Variants in MAPKAP1 observed in about 807,000 individuals in gnomAD.
MAPKAP1 encodes the protein MAPK associated protein 1.
In MAPKAP1, 20 loss-of-function variants were observed where a neutral mutation model predicts 65.7. The ratio of observed to expected loss-of-function variants is 0.30; its 90% CI spans 0.21 to 0.44. The LOEUF is 0.44. MAPKAP1 is among the 20% of genes least tolerant of loss of function. The probability of loss-of-function intolerance (pLI) is 1.00; values close to 1 mark genes in which losing one functional copy is unlikely to be tolerated. For missense variants in MAPKAP1, 423 were observed against 648.0 expected, an observed-to-expected ratio of 0.65 and a Z score of 3.77; for synonymous variants, 222 against 244.3, an observed-to-expected ratio of 0.91 and a Z score of 0.85.
At chr9:125,478,625 C>T (rs1854193689) in intron 9 of MAPKAP1, among the ~76,000 whole-genome samples, 1 of 152,162 alleles carries the variant, frequency 6.6e-6, no homozygotes, top group Non-Finnish European at 1.5e-5. Context: ...CCATCCTGCC[C>T]AGTCTGGGGG....
chr9:125,486,816 C>T (rs757326021), intron 8 of MAPKAP1, among the ~76,000 whole-genome samples: 2 of 152,078 alleles, frequency 1.3e-5, no homozygotes, highest in Non-Finnish European at 2.9e-5. Context: ...CATTCTCTCC[C>T]GGCCCCTCCC....
At position 125,586,684 on chromosome 9, in the gene MAPKAP1, C is replaced by T. The variant is rs567414307; in HGVS notation, c.499-957G>A. 4.0e-4 allele frequency among the ~76,000 whole-genome samples: 61 copies of T among 152,244 alleles called. 1 individual carries two copies. The South Asian group carries it at 8.1e-3, about 20-fold the overall frequency. ...TCCCTCCTTTTGTGTTTCTGTTATCCGCCAACCTTCTGGCCATTCCCCTCC... is the reference window on the plus strand; with the variant it reads ...TCCCTCCTTTTGTGTTTCTGTTATCTGCCAACCTTCTGGCCATTCCCCTCC... On this transcript the variant is annotated intron_variant, in intron 4 of 11. Transcript: ENST00000265960.
chr9:125,581,119 T>C (rs984732010), intron 5 of MAPKAP1, among the ~76,000 whole-genome samples: 1 of 152,276 alleles, frequency 6.6e-6, no homozygotes, highest in Non-Finnish European at 1.5e-5. Context: ...GAAGGACATT[T>C]AGGTTGTTTC....
chr9:125,492,487 T>G (rs141488794), intron 8 of MAPKAP1, among the ~76,000 whole-genome samples: 5 of 152,362 alleles, frequency 3.3e-5, no homozygotes, highest in African/African-American at 7.2e-5. Context: ...CAAGGCTAAT[T>G]ATAAATACTG....
intron 8 of MAPKAP1, among the ~76,000 whole-genome samples, chr9:125,493,569 C>T (rs12115380): frequency 0.025 from 3,818 of 152,278 alleles, 157 homozygotes; most frequent in African/African-American, 0.088. Flanking sequence ...ATTAACAGCA[C>T]CTGAGGTTTG....
At chr9:125,484,312 T>G (rs1293207041) in intron 9 of MAPKAP1, 131 bp downstream of exon 9, 7 of 974,876 alleles carry the variant, frequency 7.2e-6, no homozygotes, top group East Asian at 5.9e-5. Flanking sequence ...TTCCATTGTT[T>G]AAACATTTTC....
intron 5 of MAPKAP1, among the ~76,000 whole-genome samples, chr9:125,580,850 C>G (rs986303024): frequency 6.6e-6 from 1 of 152,160 alleles, no homozygotes; most frequent in Non-Finnish European, 1.5e-5. Flanking sequence ...TTTTTTACCA[C>G]CCGTTTATAG....
At chr9:125,575,005 GA>G (rs1388526896) in intron 5 of MAPKAP1, among the ~76,000 whole-genome samples, 9 of 152,194 alleles carry the variant, frequency 5.9e-5, no homozygotes, top group African/African-American at 2.2e-4. Flanking sequence ...TTCTGATTAA[GA>G]AAGTACAGAA....
intron 3 of MAPKAP1, among the ~76,000 whole-genome samples, chr9:125,663,218 C>T (rs1474537354): frequency 2.6e-5 from 4 of 152,190 alleles, no homozygotes; most frequent in Non-Finnish European, 5.9e-5. Context: ...CCACTCTTCC[C>T]GTGCTTACTG....
At chr9:125,527,362 G>T (rs185019109) in intron 7 of MAPKAP1, among the ~76,000 whole-genome samples, 9 of 152,086 alleles carry the variant, frequency 5.9e-5, no homozygotes, top group Non-Finnish European at 1.5e-5. Flanking sequence ...CACCGCGCCC[G>T]GGCCTCATAC....
At chr9:125,655,644 C>T (rs1771435126) in intron 4 of MAPKAP1, among the ~76,000 whole-genome samples, 1 of 152,158 alleles carries the variant, frequency 6.6e-6, no homozygotes, top group Non-Finnish European at 1.5e-5. Context: ...TAGCCATTTT[C>T]ATTACATATC....
intron 10 of MAPKAP1, among the ~76,000 whole-genome samples, chr9:125,460,709 T>C (rs1282400007): frequency 6.6e-6 from 1 of 152,202 alleles, no homozygotes; most frequent in East Asian, 1.9e-4. Context: ...TATCATACAC[T>C]GAGGGTCAAT....
intron 1 of MAPKAP1, among the ~76,000 whole-genome samples, chr9:125,676,536 C>T (rs1040492531): frequency 2.3e-4 from 11 of 47,812 alleles, no homozygotes; most frequent in Non-Finnish European, 7.1e-4. Flanking sequence ...GGACAAGTAC[C>T]GTATGATTCC....
intron 1 of MAPKAP1, among the ~76,000 whole-genome samples, chr9:125,689,696 A>C (rs1385464271): frequency 5.7e-5 from 8 of 140,402 alleles, no homozygotes; most frequent in African/African-American, 2.1e-4. Context: ...CCATGATCGC[A>C]CCACTGCACT....
chr9:125,561,316 C>T (rs559761576), intron 5 of MAPKAP1, among the ~76,000 whole-genome samples: 6 of 151,978 alleles, frequency 3.9e-5, no homozygotes, highest in East Asian at 1.9e-4. Context: ...CTACTTCAGG[C>T]GATCTATACT....
chr9:125,595,624 G>T lies in MAPKAP1; in HGVS notation c.499-9897C>A. 7.1e-7 allele frequency: 1 copy of T among 1,413,070 alleles called. No homozygotes were observed. Among genetic ancestry groups the T allele is most frequent in the Non-Finnish European group, 9.2e-7 (1 of 1,084,554 alleles). 87.5% of individuals were successfully genotyped at this position (1,413,070 alleles called of 1,614,324 possible). ...TGTCAGCTTACTCCTTTCTGCCTGT[G>T]GACACGCCAAGGAAGCATCGTTAAA... On this transcript the variant is annotated intron_variant, in intron 4 of 11. Coordinates refer to ENST00000265960, the MANE Select transcript of MAPKAP1 (RefSeq NM_001006617.3). The surrounding 1 kb of genome is among the most constrained non-coding windows in gnomAD (Gnocchi z 4.0).
At chr9:125,593,273 C>T (rs1832025169) in intron 4 of MAPKAP1, among the ~76,000 whole-genome samples, 1 of 152,068 alleles carries the variant, frequency 6.6e-6, no homozygotes, top group Admixed American at 6.5e-5. Context: ...CACTGCACTC[C>T]AACCTGGGTG....
At chr9:125,558,712 T>G (rs1185497370) in intron 6 of MAPKAP1, among the ~76,000 whole-genome samples, 2 of 152,206 alleles carry the variant, frequency 1.3e-5, no homozygotes, top group Non-Finnish European at 2.9e-5. Flanking sequence ...AGCTTAGGTT[T>G]GAGAGTAAAA....
intron 4 of MAPKAP1, among the ~76,000 whole-genome samples, chr9:125,642,270 T>C (rs565010197): frequency 6.6e-6 from 1 of 152,046 alleles, no homozygotes; most frequent in South Asian, 2.1e-4. Context: ...AAGTCAGAAG[T>C]AATCTCTTTA....
Sources: gnomAD v4.1 joint callset for allele counts (sites outside exome capture counted in the v4.1 genomes callset) on GRCh38, gnomAD v4.1.1 for gene constraint, Gnocchi (gnomAD v3.1) non-coding constraint, MANE v1.5 for transcripts, NCBI Gene and HGNC (gene_info 2026-07-23, HGNC 2026-07-21) for gene names.